The following UNC5D variants were observed in gnomAD, a reference collection of about 807,000 sequenced individuals.
UNC5D encodes the protein netrin receptor UNC5D.
A neutral mutation model predicts 105.4 loss-of-function variants in UNC5D; 39 were observed. That is an observed-to-expected ratio of 0.37 (90% CI 0.29 to 0.48). UNC5D has a LOEUF of 0.48. Ranked by LOEUF, UNC5D falls within the 20% of genes least tolerant of loss-of-function variation. UNC5D has a pLI of 0.98. For missense variants in UNC5D, 991 were observed against 1,202.4 expected (o/e 0.82, Z 2.60); for synonymous variants, 452 against 450.4 (o/e 1.00, Z -0.04).
At chr8:35,779,838 G>A (rs770685484) in intron 16 of UNC5D, among the ~76,000 whole-genome samples, 14 of 152,158 alleles carry the variant, frequency 9.2e-5, no homozygotes, top group South Asian at 4.1e-4. Flanking sequence ...TTGAAAATGA[G>A]TCTTAAAACA....
At chr8:35,755,187 C>CCAAA (rs1341544763) in intron 13 of UNC5D, among the ~76,000 whole-genome samples, 2 of 152,020 alleles carry the variant, frequency 1.3e-5, no homozygotes, top group Non-Finnish European at 2.9e-5. Flanking sequence ...CATGCACAGC[C>CCAAA]CAAACAAACC....
At chr8:35,323,506 A>C (rs1430302082) in intron 1 of UNC5D, among the ~76,000 whole-genome samples, 1 of 152,150 alleles carries the variant, frequency 6.6e-6, no homozygotes, top group African/African-American at 2.4e-5. Context: ...AGAGAATATA[A>C]ACTATGAAAA....
intron 3 of UNC5D, among the ~76,000 whole-genome samples, chr8:35,595,207 C>T (rs919207201): frequency 2.6e-5 from 4 of 152,058 alleles, no homozygotes; most frequent in African/African-American, 9.7e-5. Context: ...CTGTGGATGG[C>T]AATTTATTAG....
intron 4 of UNC5D, among the ~76,000 whole-genome samples, chr8:35,626,689 T>G (rs1821716564): frequency 6.6e-6 from 1 of 152,224 alleles, no homozygotes; most frequent in Non-Finnish European, 1.5e-5. Context: ...GCTGGGAATA[T>G]ATATCATCCA....
At chr8:35,328,762 G>C (rs950961612) in intron 1 of UNC5D, among the ~76,000 whole-genome samples, 1 of 152,116 alleles carries the variant, frequency 6.6e-6, no homozygotes, top group African/African-American at 2.4e-5. Flanking sequence ...GTCAGTCCGC[G>C]TCAGGAGCTG....
At chr8:35,666,606 A>G (rs1396228229) in intron 4 of UNC5D, among the ~76,000 whole-genome samples, 3 of 152,086 alleles carry the variant, frequency 2.0e-5, no homozygotes, top group Non-Finnish European at 4.4e-5. Flanking sequence ...CAAATAGAAA[A>G]CCATCCAATT....
chr8:35,607,507 T>C (rs1820375264), intron 4 of UNC5D, among the ~76,000 whole-genome samples: 1 of 152,180 alleles, frequency 6.6e-6, no homozygotes, highest in South Asian at 2.1e-4. Flanking sequence ...ACTGATATGA[T>C]TGTGCTTTGT....
At chr8:35,482,716 C>A (rs1399765878) in intron 1 of UNC5D, among the ~76,000 whole-genome samples, 4 of 144,436 alleles carry the variant, frequency 2.8e-5, no homozygotes, top group African/African-American at 1.0e-4. Flanking sequence ...CAAATCAAAT[C>A]AAATATTAAG....
intron 1 of UNC5D, among the ~76,000 whole-genome samples, chr8:35,476,785 G>C (rs1810133459): frequency 6.6e-6 from 1 of 152,086 alleles, no homozygotes; most frequent in Admixed American, 6.6e-5. Flanking sequence ...TCTTCTCAAA[G>C]CTCAGGCTGG....
intron 11 of UNC5D, among the ~76,000 whole-genome samples, chr8:35,743,469 G>T (rs936368582): frequency 5.3e-5 from 8 of 151,234 alleles, no homozygotes; most frequent in Admixed American, 4.0e-4. Flanking sequence ...GTAGAGATGG[G>T]GTCTCACCAT....
intron 1 of UNC5D, among the ~76,000 whole-genome samples, chr8:35,508,264 G>A (rs1158839830): frequency 1.3e-5 from 2 of 152,158 alleles, no homozygotes. Flanking sequence ...GTGACCTTGG[G>A]GAGTCTTTTG....
rs779633938 is a variant in UNC5D at position 35,759,332 on chromosome 8, G to C, written c.2176G>C (p.Asp726His). The change falls in exon 14 of 17, where the codon GAT (aspartate) becomes CAT (histidine). Residue 726 changes from aspartate to histidine, a missense_variant. Around this residue, in one of 3 missense-constraint regions of UNC5D, gnomAD observed 944 missense variants for 1,131.6 expected, o/e 0.83. Transcript: ENST00000404895. ...TPCAFQEVVSDERHQGGQLLE... is the reference protein window; with the variant it reads ...TPCAFQEVVSHERHQGGQLLE... ...TCTTCTCCTATAGGAAGTGGTTTCA[G>C]ATGAAAGGCATCAAGGTGGACAGCT... The C allele has an allele frequency of 6.2e-7, 1 of 1,613,192 alleles. No individual in the cohort carries two copies. The highest frequency in any genetic ancestry group is 1.1e-5 in the South Asian group (1 of 90,772).
At chr8:35,440,138 G>A (rs1807303574) in intron 1 of UNC5D, among the ~76,000 whole-genome samples, 1 of 151,962 alleles carries the variant, frequency 6.6e-6, no homozygotes, top group African/African-American at 2.4e-5. Flanking sequence ...AGTAGCAATA[G>A]GCCTCTGGGG....
chr8:35,368,473 T>G (rs1585683309), intron 1 of UNC5D, among the ~76,000 whole-genome samples: 1 of 152,028 alleles, frequency 6.6e-6, no homozygotes, highest in African/African-American at 2.4e-5. Context: ...GCAAAGACAT[T>G]CTATTATATA....
intron 1 of UNC5D, among the ~76,000 whole-genome samples, chr8:35,520,665 C>T (rs2130445721): frequency 6.6e-6 from 1 of 152,012 alleles, no homozygotes; most frequent in South Asian, 2.1e-4. Flanking sequence ...AGTATGTTGT[C>T]TAGGGTAGTA....
At chr8:35,349,532 C>G (rs1228822299) in intron 1 of UNC5D, among the ~76,000 whole-genome samples, 1 of 151,934 alleles carries the variant, frequency 6.6e-6, no homozygotes, top group East Asian at 1.9e-4. Context: ...AATTTTCAAT[C>G]AAAAGCACAA....
intron 1 of UNC5D, among the ~76,000 whole-genome samples, chr8:35,278,600 T>C (rs935687826): frequency 1.3e-4 from 19 of 151,936 alleles, no homozygotes; most frequent in Non-Finnish European, 2.4e-4. Context: ...TTTATTATTT[T>C]TAAAATAAAA....
chr8:35,385,905 C>T (rs1036900763), intron 1 of UNC5D, among the ~76,000 whole-genome samples: 3 of 152,144 alleles, frequency 2.0e-5, no homozygotes, highest in Non-Finnish European at 2.9e-5. Flanking sequence ...ACATCTTAAA[C>T]CATATCCAGC....
chr8:35,280,581 C>T (rs1806081326), intron 1 of UNC5D, among the ~76,000 whole-genome samples: 1 of 152,138 alleles, frequency 6.6e-6, no homozygotes, highest in Non-Finnish European at 1.5e-5. Flanking sequence ...GGGAACACAT[C>T]CTCTCTTTGG....
Sources: allele counts gnomAD v4.1 joint callset (sites outside exome capture counted in the v4.1 genomes callset), GRCh38; gene constraint gnomAD v4.1.1; regional missense constraint gnomAD v4.1.1; transcripts MANE v1.5; gene names NCBI Gene and HGNC (gene_info 2026-07-23, HGNC 2026-07-21).